The following LARP1 variants were observed in gnomAD, a reference collection of about 807,000 sequenced individuals.
The protein encoded by LARP1 is la-related protein 1.
A neutral mutation model predicts 122.7 loss-of-function variants in LARP1; 36 were observed. The ratio of observed to expected loss-of-function variants is 0.29; its 90% CI spans 0.22 to 0.39. The LOEUF (loss-of-function observed/expected upper bound fraction) is 0.39, where lower values mean the gene tolerates loss of function less well. LARP1 is among the 10% of genes least tolerant of loss of function. The pLI is 1.00. For synonymous variants in LARP1, 539 were observed against 528.7 expected, an observed-to-expected ratio of 1.02 and a Z score of -0.27; for missense variants, 1,040 against 1,403.6, an observed-to-expected ratio of 0.74 and a Z score of 4.14.
At chr5:154,752,449 G>T (rs1753551917), upstream of LARP1, among the ~76,000 whole-genome samples, 1 of 151,576 alleles carries the variant, frequency 6.6e-6, no homozygotes, top group African/African-American at 2.4e-5. Flanking sequence ...CGCCATGTTG[G>T]CCAGGCTGGT....
intron 9 of LARP1, 51 bp from the exon 10 acceptor site, chr5:154,799,822 G>C (rs1445058725): frequency 1.2e-6 from 2 of 1,610,432 alleles, no homozygotes; most frequent in South Asian, 2.2e-5. Context: ...CTCAGGGCTG[G>C]CATCAGGAGG....
chr5:154,794,746 A>G (rs1241614758), intron 7 of LARP1, among the ~76,000 whole-genome samples: 1 of 152,260 alleles, frequency 6.6e-6, no homozygotes, highest in East Asian at 1.9e-4. Flanking sequence ...AACAAAGCAC[A>G]GATTTAAATC....
chr5:154,716,072 C>T (rs73276713), intron 1 of LARP1, among the ~76,000 whole-genome samples: 1,590 of 152,216 alleles, frequency 0.01, 28 homozygotes, highest in African/African-American at 0.036. Context: ...TCAGGCTAGA[C>T]TGCAGTTCTC....
At chr5:154,762,162 G>C (rs1023078158) in intron 1 of LARP1, among the ~76,000 whole-genome samples, 2 of 152,162 alleles carry the variant, frequency 1.3e-5, no homozygotes, top group Admixed American at 1.3e-4. Context: ...AGAATTGCTC[G>C]AACCGGGGAG....
intron 1 of LARP1, among the ~76,000 whole-genome samples, chr5:154,698,987 T>G (rs770397988): frequency 6.6e-6 from 1 of 152,140 alleles, no homozygotes; most frequent in Non-Finnish European, 1.5e-5. Context: ...AAGAGAGAAA[T>G]GCACAGACTA....
intron 1 of LARP1, among the ~76,000 whole-genome samples, chr5:154,720,815 A>C (rs780045579): frequency 6.6e-6 from 1 of 152,190 alleles, no homozygotes. Context: ...TGGGAGGTTC[A>C]TGCAGGAGTC....
At chr5:154,753,865 C>T (rs138404391), upstream of LARP1, among the ~76,000 whole-genome samples, 1 of 152,318 alleles carries the variant, frequency 6.6e-6, no homozygotes, top group East Asian at 1.9e-4. Context: ...TTCCAAGAGG[C>T]TTTTCATTCA....
At chr5:154,726,927 C>T (rs998094114) in intron 1 of LARP1, among the ~76,000 whole-genome samples, 11 of 152,154 alleles carry the variant, frequency 7.2e-5, no homozygotes, top group African/African-American at 1.7e-4. Flanking sequence ...GAGACTCACT[C>T]GTTATCACGA....
chr5:154,783,369 G>C (rs1388140872), intron 1 of LARP1, among the ~76,000 whole-genome samples: 1 of 152,180 alleles, frequency 6.6e-6, no homozygotes, highest in Non-Finnish European at 1.5e-5. Flanking sequence ...GGGAAACTAG[G>C]CACTTCCAAC....
At position 154,803,740 on chromosome 5, in the gene LARP1, G is replaced by A; in HGVS notation, c.2434G>A (p.Ala812Thr). 2 of 1,614,086 alleles carry A rather than the reference G, an allele frequency of 1.2e-6. No homozygotes were observed. The highest frequency in any genetic ancestry group is 1.7e-6 in the Non-Finnish European group (2 of 1,179,922). Residue 812 changes from alanine (A) to threonine (T), a missense_variant, in exon 13 of 19, where the codon GCC becomes ACC. Ala to Thr is a moderately conservative substitution (Grantham distance 58, BLOSUM62 0). This residue lies in a region of LARP1 where 18 missense variants were observed against 60.2 expected (regional missense o/e 0.30). Transcript: ENST00000518297. This position sits in a 1 kb window ranked among gnomAD's most constrained non-coding sequence, Gnocchi z 4.4. The stretch of plus-strand genomic sequence containing the variant: ...GGTGAAAGAAGGACGGACACTGGAT[G>A]CCAAGGTGAGGCATTCCTGTCGGGC... ...PVVKEGRTLD[A>T]KMPRKRKTRH...
intron 1 of LARP1, among the ~76,000 whole-genome samples, chr5:154,780,935 C>T (rs1421779823): frequency 2.0e-5 from 3 of 152,022 alleles, no homozygotes; most frequent in Admixed American, 2.0e-4. Flanking sequence ...TGGTGGCTCG[C>T]GCCTGTAGTC....
intron 1 of LARP1, among the ~76,000 whole-genome samples, chr5:154,773,600 G>A (rs1385822700): frequency 3.3e-5 from 5 of 152,226 alleles, no homozygotes; most frequent in African/African-American, 1.2e-4. Context: ...CTGCCACGCA[G>A]GGATAGGATA....
At chr5:154,798,998 G>C (rs959857399) in intron 8 of LARP1, among the ~76,000 whole-genome samples, 27 of 152,278 alleles carry the variant, frequency 1.8e-4, no homozygotes, top group African/African-American at 6.5e-4. Flanking sequence ...CGAATAGCTG[G>C]GACTATAGGC....
At chr5:154,702,451 G>T (rs555725668) in intron 1 of LARP1, among the ~76,000 whole-genome samples, 1 of 151,942 alleles carries the variant, frequency 6.6e-6, no homozygotes, top group South Asian at 2.1e-4. Flanking sequence ...AGCTACTAGG[G>T]ATGCTGAGGC....
At chr5:154,800,143 C>T (rs1008148877) in intron 10 of LARP1, 101 bp downstream of exon 10, 13 of 1,069,520 alleles carry the variant, frequency 1.2e-5, no homozygotes, top group Admixed American at 7.7e-5. Context: ...GAGGGGCCAG[C>T]AGGAAATCTG....
At chr5:154,812,558 CACCCAGGCTAGAGTGCAG>C (rs1442221692) in intron 18 of LARP1, among the ~76,000 whole-genome samples, 5 of 129,954 alleles carry the variant, frequency 3.8e-5, no homozygotes, top group Admixed American at 2.8e-4. Flanking sequence ...CTTGCTCTGT[CACCCAGGCTAGAGTGCAG>C]TGGCACGATC....
At chr5:154,752,898 C>G (rs1040407850), upstream of LARP1, among the ~76,000 whole-genome samples, 2 of 151,988 alleles carry the variant, frequency 1.3e-5, no homozygotes, top group Admixed American at 1.3e-4. Flanking sequence ...GAGATCCCAC[C>G]ACTGCACTCC....
chr5:154,803,255 T>TA lies in LARP1; in HGVS notation c.2110-34dup, dbSNP rs1758487917. 2.5e-6 allele frequency: 4 copies of TA among 1,614,016 alleles called. No homozygotes were observed. Among genetic ancestry groups the TA allele is most frequent in the Non-Finnish European group, 3.4e-6 (4 of 1,179,930 alleles). On this transcript the variant is annotated intron_variant, in intron 11 of 18. Transcript: ENST00000518297. This position sits in a 1 kb window ranked among gnomAD's most constrained non-coding sequence, Gnocchi z 4.4. Reference sequence around the variant, plus strand: ...AACAGGCTAGAGCAGCCTGCTTACTTACATCTTTCCCCACTCATCTCATGA... The same window carrying TA: ...AACAGGCTAGAGCAGCCTGCTTACTTAACATCTTTCCCCACTCATCTCATGA...
rs745369979 is a variant in LARP1 at position 154,802,600 on chromosome 5, T to C, written c.2109+201T>C. Among the ~76,000 whole-genome samples the C allele has an allele frequency of 9.9e-5, 15 of 152,198 alleles. No homozygotes were observed. The highest frequency in any genetic ancestry group is 2.2e-4 in the Non-Finnish European group (15 of 68,026). ...GGTGATGTGTAAACACTGCAAACTCTTCAGGTGAGGCGGTGGTGATTATTA... is the reference window on the plus strand; with the variant it reads ...GGTGATGTGTAAACACTGCAAACTCCTCAGGTGAGGCGGTGGTGATTATTA... On this transcript the variant is annotated intron_variant, in intron 11 of 18. Transcript: ENST00000518297. The surrounding 1 kb of genome is among the most constrained non-coding windows in gnomAD (Gnocchi z 5.1).
Sources: allele counts gnomAD v4.1 joint callset (sites outside exome capture counted in the v4.1 genomes callset), GRCh38; gene constraint gnomAD v4.1.1; regional missense constraint gnomAD v4.1.1; non-coding constraint Gnocchi (gnomAD v3.1); transcripts MANE v1.5; gene names NCBI Gene and HGNC (gene_info 2026-07-23, HGNC 2026-07-21).